The following CYRIA variants were observed in gnomAD, a reference collection of about 807,000 sequenced individuals.
CYRIA encodes CYFIP related Rac1 interactor A.
A neutral mutation model predicts 43.9 loss-of-function variants in CYRIA; 15 were observed. The observed-to-expected ratio is 0.34, with a 90% CI of 0.23 to 0.53. CYRIA has a LOEUF of 0.53. CYRIA is among the 20% of genes least tolerant of loss of function. The pLI is 0.94. For missense variants in CYRIA, 236 were observed against 394.2 expected (o/e 0.60, Z 3.40); for synonymous variants, 117 against 136.0 (o/e 0.86, Z 0.97).
rs888262646 is a variant in CYRIA at position 16,603,947 on chromosome 2, T to C, written c.-10-15818A>G. ...AATGATGTTGTAATTATATCCTAAA[T>C]ATGCCAGGTTTATTTGGAAATGTTA... On this transcript the variant is annotated intron_variant, in intron 2 of 11. Transcript: ENST00000381323. 2.0e-5 allele frequency among the ~76,000 whole-genome samples: 3 copies of C among 152,194 alleles called. No individual in the cohort carries two copies. The South Asian group carries it at 6.2e-4, about 31-fold the overall frequency.
intron 3 of CYRIA, among the ~76,000 whole-genome samples, chr2:16,572,601 G>A (rs557963628): frequency 6.6e-6 from 1 of 152,130 alleles, no homozygotes; most frequent in African/African-American, 2.4e-5. Context: ...CAGATGATAG[G>A]CTGATCTGAC....
intron 1 of CYRIA, among the ~76,000 whole-genome samples, chr2:16,657,674 T>C (rs944937444): frequency 4.6e-5 from 7 of 152,334 alleles, no homozygotes; most frequent in South Asian, 2.1e-4. Context: ...TCAGTTCTTT[T>C]AGGCTTTCTG....
At chr2:16,555,244 T>C (rs1390333301) in intron 10 of CYRIA, 105 bp from the exon 11 acceptor site, 4 of 1,095,584 alleles carry the variant, frequency 3.7e-6, no homozygotes, top group Non-Finnish European at 5.3e-6. Flanking sequence ...TATCTTCCCA[T>C]AGAAATCCAA....
At chr2:16,575,105 G>A (rs1336313493) in intron 3 of CYRIA, among the ~76,000 whole-genome samples, 2 of 152,162 alleles carry the variant, frequency 1.3e-5, no homozygotes, top group African/African-American at 4.8e-5. Flanking sequence ...AGTGTGACCT[G>A]GATGTGAGAC....
intron 1 of CYRIA, among the ~76,000 whole-genome samples, chr2:16,638,112 T>C (rs1669558624): frequency 6.6e-6 from 1 of 152,206 alleles, no homozygotes; most frequent in South Asian, 2.1e-4. Context: ...TACCGAAGCC[T>C]ACCTGTTAGG....
chr2:16,630,952 T>A (rs182561450), intron 1 of CYRIA, among the ~76,000 whole-genome samples: 14 of 152,274 alleles, frequency 9.2e-5, no homozygotes, highest in African/African-American at 2.9e-4. Context: ...AAACCAACAA[T>A]CTGGGCTGTG....
intron 2 of CYRIA, among the ~76,000 whole-genome samples, chr2:16,622,277 A>G (rs1374907948): frequency 7.9e-5 from 12 of 152,200 alleles, no homozygotes; most frequent in Admixed American, 7.9e-4. Context: ...AACTTTGGGT[A>G]TGGCAGAGAA....
intron 2 of CYRIA, among the ~76,000 whole-genome samples, chr2:16,620,942 C>T (rs1217098868): frequency 6.6e-6 from 1 of 152,194 alleles, no homozygotes. Flanking sequence ...AGACAACCTG[C>T]TCCCAAGAAG....
intron 3 of CYRIA, among the ~76,000 whole-genome samples, chr2:16,574,721 C>T (rs1371515146): frequency 6.6e-6 from 1 of 152,126 alleles, no homozygotes; most frequent in African/African-American, 2.4e-5. Context: ...TGCAGGTACA[C>T]AGAAATCAAA....
At chr2:16,614,518 T>C (rs1477670494) in intron 2 of CYRIA, among the ~76,000 whole-genome samples, 1 of 152,212 alleles carries the variant, frequency 6.6e-6, no homozygotes, top group Non-Finnish European at 1.5e-5. Flanking sequence ...GTCCTCTACA[T>C]TCGAACGCTT....
intron 3 of CYRIA, among the ~76,000 whole-genome samples, chr2:16,581,057 T>C (rs529562175): frequency 3.3e-5 from 5 of 152,286 alleles, no homozygotes; most frequent in South Asian, 4.1e-4. Context: ...CATAATTTCT[T>C]AGAATACAGA....
chr2:16,577,353 G>A (rs1206100725), intron 3 of CYRIA, among the ~76,000 whole-genome samples: 1 of 152,042 alleles, frequency 6.6e-6, no homozygotes, highest in East Asian at 1.9e-4. Context: ...AACACATTTA[G>A]ATATAAATAT....
intron 1 of CYRIA, among the ~76,000 whole-genome samples, chr2:16,646,851 G>A (rs10202125): frequency 0.087 from 13,164 of 152,134 alleles, 1,358 homozygotes; most frequent in African/African-American, 0.24. Flanking sequence ...CTTTGCTTCT[G>A]TGTCTTTAAG....
intron 2 of CYRIA, among the ~76,000 whole-genome samples, chr2:16,609,748 T>C (rs557926066): frequency 6.6e-6 from 1 of 152,262 alleles, no homozygotes; most frequent in Admixed American, 6.5e-5. Flanking sequence ...AAGGACATCT[T>C]CCATGACTCC....
chr2:16,557,223 G>A (rs541646665), intron 10 of CYRIA, among the ~76,000 whole-genome samples: 5 of 152,144 alleles, frequency 3.3e-5, no homozygotes, highest in African/African-American at 7.2e-5. Flanking sequence ...CTGCCTGGAG[G>A]ACTCTGCTTT....
chr2:16,613,627 GTAC>G (rs1668679193), intron 2 of CYRIA, among the ~76,000 whole-genome samples: 1 of 152,196 alleles, frequency 6.6e-6, no homozygotes, highest in Non-Finnish European at 1.5e-5. Flanking sequence ...TTGCAGTTAA[GTAC>G]CTTATCCACT....
intron 1 of CYRIA, among the ~76,000 whole-genome samples, chr2:16,651,569 G>C (rs1287754351): frequency 1.3e-5 from 2 of 152,242 alleles, no homozygotes; most frequent in East Asian, 1.9e-4. Flanking sequence ...TCCCGCACAG[G>C]CATGTGAGTC....
chr2:16,559,390 G>A, intron 10 of CYRIA, 70 bp downstream of exon 10: 1 of 1,553,824 alleles, frequency 6.4e-7, no homozygotes, highest in Non-Finnish European at 8.7e-7. Flanking sequence ...AGGTGCCTGA[G>A]GAAGAAAAAC....
chr2:16,654,419 C>T (rs532639805), intron 1 of CYRIA, among the ~76,000 whole-genome samples: 5 of 152,140 alleles, frequency 3.3e-5, no homozygotes, highest in African/African-American at 1.2e-4. Flanking sequence ...TGGAAAAAGG[C>T]AAAGAAATCA....
Sources: gnomAD v4.1 joint callset for allele counts (sites outside exome capture counted in the v4.1 genomes callset) on GRCh38, gnomAD v4.1.1 for gene constraint, MANE v1.5 for transcripts, NCBI Gene and HGNC (gene_info 2026-07-23, HGNC 2026-07-21) for gene names.